MEIS2: variants seen among roughly 807,000 people sequenced by gnomAD.
MEIS2 encodes the protein Meis homeobox 2, also known as homeobox protein Meis2.
In MEIS2, 9 loss-of-function variants were observed where a neutral mutation model predicts 58.6. The ratio of observed to expected loss-of-function variants is 0.15; its 90% CI spans 0.09 to 0.27. MEIS2 has a LOEUF of 0.27. Ranked by LOEUF, MEIS2 falls within the 10% of genes least tolerant of loss-of-function variation. MEIS2 has a pLI of 1.00. For missense variants in MEIS2, 427 were observed against 635.0 expected, an observed-to-expected ratio of 0.67 and a Z score of 3.52; for synonymous variants, 221 against 228.4, an observed-to-expected ratio of 0.97 and a Z score of 0.29.
chr15:36,935,186 C>CT (rs71126245), intron 9 of MEIS2, among the ~76,000 whole-genome samples: 337 of 136,622 alleles, frequency 2.5e-3, no homozygotes, highest in East Asian at 0.014. Flanking sequence ...ATTCTTTTTT[C>CT]TTTTTTTTTT....
At chr15:37,084,647 C>A (rs1892660376) in intron 6 of MEIS2, among the ~76,000 whole-genome samples, 1 of 152,120 alleles carries the variant, frequency 6.6e-6, no homozygotes, top group African/African-American at 2.4e-5. Flanking sequence ...CCTAGAAGAA[C>A]TACTTGTTTC....
In MEIS2 at chr15:37,098,197, G is replaced by C. The variant is rs745617695; in HGVS notation, c.15C>G (p.Tyr5Ter). 2.5e-6 allele frequency: 4 copies of C among 1,597,356 alleles called. No individual in the cohort carries two copies. The highest frequency in any genetic ancestry group is 1.1e-5 in the South Asian group (1 of 88,538). The change falls in exon 2 of 12, where the codon TAC becomes TAG. Residue 5 changes from tyrosine to a stop codon, truncating the protein, a stop_gained and splice_region_variant. Coordinates refer to ENST00000561208, the MANE Select transcript of MEIS2 (RefSeq NM_170675.5). LOFTEE classifies it high-confidence loss of function. ...TCCCGCCGTAATGGGGCAGCTCATC[G>C]TACTGTCAGAACCCGGGAAGGGGGA... is the stretch of plus-strand genomic sequence containing the variant. MAQR[Y>*]DELPHYGGMD...
chr15:37,069,854 A>G (rs768439078), intron 7 of MEIS2, among the ~76,000 whole-genome samples: 5 of 152,108 alleles, frequency 3.3e-5, no homozygotes, highest in Non-Finnish European at 7.4e-5. Flanking sequence ...TTTCCCAGAA[A>G]TTTCCCATGG....
At chr15:37,016,759 T>C (rs1308699723) in intron 8 of MEIS2, among the ~76,000 whole-genome samples, 1 of 152,210 alleles carries the variant, frequency 6.6e-6, no homozygotes, top group African/African-American at 2.4e-5. Flanking sequence ...GTGTACAGCT[T>C]AGGAATCATT....
At chr15:36,919,998 G>A (rs2141292428) in intron 9 of MEIS2, among the ~76,000 whole-genome samples, 1 of 152,266 alleles carries the variant, frequency 6.6e-6, no homozygotes, top group East Asian at 1.9e-4. Flanking sequence ...TGAAGTCAAG[G>A]ATGAAGGAAG....
At chr15:36,926,612 C>T (rs1372304453) in intron 9 of MEIS2, among the ~76,000 whole-genome samples, 2 of 152,154 alleles carry the variant, frequency 1.3e-5, no homozygotes, top group Non-Finnish European at 2.9e-5. Flanking sequence ...GGGAAATAAC[C>T]CAATTGCGGT....
chr15:36,951,903 A>G (rs2058760765), intron 8 of MEIS2, among the ~76,000 whole-genome samples: 1 of 152,070 alleles, frequency 6.6e-6, no homozygotes, highest in Non-Finnish European at 1.5e-5. Context: ...CTGCTTCAAA[A>G]ACCACTAATG....
chr15:37,044,340 G>T (rs1244496572), intron 7 of MEIS2, among the ~76,000 whole-genome samples: 1 of 152,126 alleles, frequency 6.6e-6, no homozygotes, highest in African/African-American at 2.4e-5. Context: ...GAGAGACACG[G>T]GATGACAGTA....
intron 3 of MEIS2, 171 bp from the exon 4 acceptor site, chr15:37,095,785 G>C: frequency 1.1e-6 from 1 of 900,632 alleles, no homozygotes; most frequent in South Asian, 1.7e-5. Flanking sequence ...AGAAGAATCA[G>C]GGCATTCTGG....
At chr15:36,969,737 T>TA (rs543172687) in intron 8 of MEIS2, among the ~76,000 whole-genome samples, 1 of 152,360 alleles carries the variant, frequency 6.6e-6, no homozygotes, top group African/African-American at 2.4e-5. Context: ...AATCTACTTT[T>TA]AAATTAGTAT....
At chr15:36,906,441 T>G (rs1159294891) in intron 9 of MEIS2, among the ~76,000 whole-genome samples, 1 of 151,552 alleles carries the variant, frequency 6.6e-6, no homozygotes, top group African/African-American at 2.4e-5. Context: ...TAAACTTAGA[T>G]GAAAAAGGAG....
At position 37,094,495 on chromosome 15, in the gene MEIS2, A is replaced by C. The variant is rs773970214; in HGVS notation, c.489+32T>G. 5.0e-6 allele frequency: 8 copies of C among 1,606,676 alleles called. No homozygotes were observed. The South Asian group carries it at 8.9e-5, about 18-fold the overall frequency. On this transcript the variant is annotated intron_variant, in intron 5 of 11. Coordinates refer to ENST00000561208, the MANE Select transcript of MEIS2 (RefSeq NM_170675.5). ...CTCAACTAGGAGAGGGAAATGGTTTAATCAACACGGGGAGCGTTATTTCCT... is the reference window on the plus strand; with the variant it reads ...CTCAACTAGGAGAGGGAAATGGTTTCATCAACACGGGGAGCGTTATTTCCT...
At chr15:36,979,539 T>C (rs2059864251) in intron 8 of MEIS2, among the ~76,000 whole-genome samples, 1 of 151,910 alleles carries the variant, frequency 6.6e-6, no homozygotes, top group South Asian at 2.1e-4. Context: ...AACTTTTTTT[T>C]CATGGTTACT....
chr15:37,016,860 A>T (rs2061366501), intron 8 of MEIS2, among the ~76,000 whole-genome samples: 1 of 152,326 alleles, frequency 6.6e-6, no homozygotes, highest in Admixed American at 6.5e-5. Flanking sequence ...AATTGTCAAA[A>T]TTTTATCGTG....
intron 8 of MEIS2, among the ~76,000 whole-genome samples, chr15:36,982,385 A>C (rs1243252643): frequency 6.6e-6 from 1 of 152,102 alleles, no homozygotes; most frequent in Non-Finnish European, 1.5e-5. Context: ...GTATCCACAT[A>C]TGAGACCATG....
chr15:37,043,900 A>C lies in MEIS2; in HGVS notation c.755-6941T>G, dbSNP rs1482926123. On this transcript the variant is annotated intron_variant, in intron 7 of 11. Coordinates refer to ENST00000561208, the MANE Select transcript of MEIS2 (RefSeq NM_170675.5). Reference sequence around the variant, plus strand: ...ACGGGGTTTCACCATGTTGGCCAGGATGGTCTGGATGTCTTGACCTCATGA... The same window carrying C: ...ACGGGGTTTCACCATGTTGGCCAGGCTGGTCTGGATGTCTTGACCTCATGA... Among the ~76,000 whole-genome samples the C allele has an allele frequency of 2.6e-5, 4 of 152,026 alleles. No individual in the cohort carries two copies. In the East Asian group the frequency reaches 7.8e-4, roughly 30 times the overall value.
intron 8 of MEIS2, among the ~76,000 whole-genome samples, chr15:37,023,401 A>T (rs187310397): frequency 2.1e-3 from 318 of 152,272 alleles, no homozygotes; most frequent in African/African-American, 7.1e-3. Context: ...TAGCTTTATG[A>T]TACATTTTAG....
At chr15:36,956,188 CAAAAAAA>C (rs372946912) in intron 8 of MEIS2, among the ~76,000 whole-genome samples, 1 of 56,630 alleles carries the variant, frequency 1.8e-5, no homozygotes, top group Non-Finnish European at 3.2e-5. Context: ...AACTCCATCT[CAAAAAAA>C]AAAAAAAAAA....
At chr15:36,893,519 T>G (rs1283375793) in intron 11 of MEIS2, among the ~76,000 whole-genome samples, 1 of 152,244 alleles carries the variant, frequency 6.6e-6, no homozygotes, top group Non-Finnish European at 1.5e-5. Flanking sequence ...CAATGGATGA[T>G]GATAATTAAG....
Sources: gnomAD v4.1 joint callset for allele counts (sites outside exome capture counted in the v4.1 genomes callset) on GRCh38, gnomAD v4.1.1 for gene constraint, MANE v1.5 for transcripts, NCBI Gene and HGNC (gene_info 2026-07-23, HGNC 2026-07-21) for gene names.